GK5: variants seen among roughly 807,000 people sequenced by gnomAD.
GK5 encodes the protein glycerol kinase 5.
Under a neutral mutation model 77.3 loss-of-function variants are expected in GK5, and 39 were observed. The ratio of observed to expected loss-of-function variants is 0.50; its 90% CI spans 0.39 to 0.66. The LOEUF (loss-of-function observed/expected upper bound fraction) is 0.66. Among genes scored for constraint, GK5 ranks in the 30% least tolerant of loss-of-function variants. The probability of loss-of-function intolerance (pLI) is 0.00; values close to 1 mark genes in which losing one functional copy is unlikely to be tolerated. For missense variants in GK5, 487 were observed against 633.8 expected (o/e 0.77, Z 2.49); for synonymous variants, 211 against 208.0 (o/e 1.01, Z -0.13).
intron 3 of GK5, among the ~76,000 whole-genome samples, chr3:142,207,846 C>T (rs1024275404): frequency 6.6e-6 from 1 of 152,164 alleles, no homozygotes; most frequent in African/African-American, 2.4e-5. Context: ...ACGCAATATT[C>T]ACTCTGTTGA....
At chr3:142,203,448 G>A (rs1481446154) in intron 4 of GK5, among the ~76,000 whole-genome samples, 1 of 152,150 alleles carries the variant, frequency 6.6e-6, no homozygotes, top group Non-Finnish European at 1.5e-5. Context: ...TAGCAGAGAA[G>A]GCATTTAACT....
At position 142,176,770 on chromosome 3, in the gene GK5, T is replaced by C. The variant is rs188739841; in HGVS notation, c.1143+712A>G. ...TCCACCTCCCAGGTTCAAGCAATTC[T>C]CCTGCTTCAGCCTCCTGAGTAGCTT... On this transcript the variant is annotated intron_variant, in intron 12 of 15. Coordinates refer to ENST00000392993, the MANE Select transcript of GK5 (RefSeq NM_001039547.3). Among the ~76,000 whole-genome samples, 69 of 148,170 alleles carry C rather than the reference T, an allele frequency of 4.7e-4. No individual in the cohort carries two copies. The East Asian group carries it at 0.014, about 31-fold the overall frequency.
intron 1 of GK5, among the ~76,000 whole-genome samples, chr3:142,217,243 C>T (rs1490553536): frequency 2.6e-5 from 4 of 151,968 alleles, no homozygotes; most frequent in Non-Finnish European, 5.9e-5. Context: ...CATTTAACTA[C>T]GTATGTGTAT....
rs1287104914 is a variant in GK5, at chr3:142,164,946, T to C, written c.*676A>G. 6.6e-6 allele frequency: 1 copy of C among 152,628 alleles called. No homozygotes were observed. The highest frequency in any genetic ancestry group is 2.4e-5 in the African/African-American group (1 of 41,466). 9.5% of individuals were successfully genotyped at this position (152,628 alleles called of 1,614,324 possible). ...ATTCTTTCTAGTTCATTAACTAAAA[T>C]TAGTTTTTCAGTGTTTTCAACATAG... On this transcript the variant is annotated 3_prime_UTR_variant, in exon 16 of 16. Coordinates refer to ENST00000392993, the MANE Select transcript of GK5 (RefSeq NM_001039547.3).
At chr3:142,190,530 G>A (rs547952045) in intron 5 of GK5, among the ~76,000 whole-genome samples, 6 of 152,234 alleles carry the variant, frequency 3.9e-5, no homozygotes, top group Admixed American at 3.9e-4. Flanking sequence ...CAAAATCAAC[G>A]AAGACCTCAA....
At chr3:142,192,061 T>C (rs959126962) in intron 5 of GK5, among the ~76,000 whole-genome samples, 4 of 152,154 alleles carry the variant, frequency 2.6e-5, no homozygotes, top group African/African-American at 4.8e-5. Context: ...ACCCAAGATA[T>C]ACTGATGGTA....
rs567780099 is a variant in GK5 at position 142,161,568 on chromosome 3, G to A, written c.*4054C>T. ...GGAAGCAGACAGTTTCTGCTTTCAGGGAGCTTCCAGTCTGGTAGAGATTTA... is the reference window on the plus strand; with the variant it reads ...GGAAGCAGACAGTTTCTGCTTTCAGAGAGCTTCCAGTCTGGTAGAGATTTA... On this transcript the variant is annotated 3_prime_UTR_variant, in exon 16 of 16. Transcript: ENST00000392993. The A allele has an allele frequency of 2.0e-5, 3 of 152,182 alleles. No individual in the cohort carries two copies. Among genetic ancestry groups the A allele is most frequent in the South Asian group, 4.1e-4 (2 of 4,820 alleles). The allele number at this position is 152,182 out of a possible 1,614,324, so 9.4% of individuals were successfully genotyped here.
chr3:142,203,493 G>A (rs1221234430), intron 4 of GK5, among the ~76,000 whole-genome samples: 2 of 152,160 alleles, frequency 1.3e-5, no homozygotes, highest in East Asian at 3.9e-4. Context: ...AATTAATATG[G>A]GCCAGGCGCG....
intron 5 of GK5, among the ~76,000 whole-genome samples, chr3:142,190,909 A>G (rs2063839120): frequency 6.6e-6 from 1 of 152,258 alleles, no homozygotes; most frequent in African/African-American, 2.4e-5. Context: ...AACTGTATAC[A>G]CAGAAACATC....
At position 142,187,712 on chromosome 3, in the gene GK5, A is replaced by G. The variant is rs2063791140; in HGVS notation, c.611T>C (p.Leu204Pro). 1 of 1,606,416 alleles carries G rather than the reference A, an allele frequency of 6.2e-7. No individual in the cohort carries two copies. The highest frequency in any genetic ancestry group is 8.5e-7 in the Non-Finnish European group (1 of 1,175,182). ...TTTCAGGTCATCTTTACCTTTTGTG[A>G]GCTTATATAACAACCAGGTATCAAT... ...GTIDTWLLYK[L>P]TKGSVYATDF... is the part of the protein sequence containing the mutation. Residue 204 changes from leucine (L) to proline (P), a missense_variant, in exon 6 of 16, where the codon CTC becomes CCC. Around this residue, in one of 4 missense-constraint regions of GK5, gnomAD observed 323 missense variants for 437.4 expected, o/e 0.74. Transcript: ENST00000392993.
chr3:142,171,318 T>A, intron 14 of GK5, 101 bp downstream of exon 14: 1 of 1,033,286 alleles, frequency 9.7e-7, no homozygotes, highest in Non-Finnish European at 1.3e-6. Context: ...ATCATAAAGA[T>A]GAATTATTCA....
chr3:142,189,011 T>C (rs2063812505), intron 5 of GK5, among the ~76,000 whole-genome samples: 1 of 152,194 alleles, frequency 6.6e-6, no homozygotes, highest in Admixed American at 6.5e-5. Context: ...AAGACCAGCA[T>C]TTCCTGGCTT....
At chr3:142,210,778 C>T (rs2064179467) in intron 3 of GK5, among the ~76,000 whole-genome samples, 1 of 152,234 alleles carries the variant, frequency 6.6e-6, no homozygotes, top group Admixed American at 6.5e-5. Context: ...GATGTATAGT[C>T]CTAGCATCAG....
chr3:142,170,073 G>A (rs1332067754), intron 15 of GK5: 18 of 534,280 alleles, frequency 3.4e-5, no homozygotes, highest in East Asian at 1.7e-4. Context: ...AGAGACTGAC[G>A]CAGCTGAGAA....
chr3:142,215,129 AACATTCTT>A (rs1316375100), intron 2 of GK5, among the ~76,000 whole-genome samples: 1 of 152,236 alleles, frequency 6.6e-6, no homozygotes, highest in East Asian at 1.9e-4. Flanking sequence ...GAATGTTTCT[AACATTCTT>A]AAAGAACTAA....
intron 4 of GK5, among the ~76,000 whole-genome samples, chr3:142,203,076 A>C (rs973714625): frequency 6.6e-6 from 1 of 152,200 alleles, no homozygotes; most frequent in Non-Finnish European, 1.5e-5. Flanking sequence ...TGAACTATTA[A>C]AAACTAAAAT....
At chr3:142,181,660 C>A in intron 10 of GK5, 95 bp from the exon 11 acceptor site, 2 of 802,780 alleles carry the variant, frequency 2.5e-6, no homozygotes, top group Non-Finnish European at 2.0e-6. Flanking sequence ...CAAAAAACTG[C>A]AAAGTGCCTC....
At chr3:142,168,467 G>T (rs947989897) in intron 15 of GK5, among the ~76,000 whole-genome samples, 2 of 152,110 alleles carry the variant, frequency 1.3e-5, no homozygotes, top group African/African-American at 4.8e-5. Context: ...AGTTTAAGCC[G>T]AATTTACCAA....
Position 142,163,500 on chromosome 3 carries a change from C to G in GK5, c.*2122G>C, listed in dbSNP as rs972756611. The G allele has an allele frequency of 1.3e-5, 2 of 151,980 alleles. No homozygotes were observed. Among genetic ancestry groups the G allele is most frequent in the East Asian group, 3.9e-4 (2 of 5,152 alleles). 9.4% of individuals were successfully genotyped at this position (151,980 alleles called of 1,614,324 possible). A position where few individuals can be genotyped will look rare whatever the true frequency, so the allele number is the denominator to read the frequency against. On this transcript the variant is annotated 3_prime_UTR_variant, in exon 16 of 16. Transcript: ENST00000392993. The stretch of plus-strand genomic sequence containing the variant: ...GTGTTTGACCAGGTTGGACTCCTGA[C>G]CTCAAATGATCCGCCCACTTCAGCC...
Sources: gnomAD v4.1 joint callset for allele counts (sites outside exome capture counted in the v4.1 genomes callset) on GRCh38, gnomAD v4.1.1 for gene constraint, gnomAD v4.1.1 regional missense constraint, MANE v1.5 for transcripts, NCBI Gene and HGNC (gene_info 2026-07-23, HGNC 2026-07-21) for gene names.